PCDHA5: variants seen among roughly 807,000 people sequenced by gnomAD.
The protein encoded by PCDHA5 is protocadherin alpha-5.
Under a neutral mutation model 61.6 loss-of-function variants are expected in PCDHA5, and 43 were observed. The ratio of observed to expected loss-of-function variants is 0.70; its 90% CI spans 0.55 to 0.90. PCDHA5 has a LOEUF of 0.90. Among genes scored for constraint, PCDHA5 ranks in the 40% least tolerant of loss-of-function variants. PCDHA5 has a pLI of 0.00. For synonymous variants in PCDHA5, 627 were observed against 543.9 expected, an observed-to-expected ratio of 1.15 and a Z score of -2.13; for missense variants, 1,298 against 1,222.7, an observed-to-expected ratio of 1.06 and a Z score of -0.92.
intron 2 of PCDHA5, among the ~76,000 whole-genome samples, chr5:140,980,093 G>A (rs1223807762): frequency 2.0e-5 from 3 of 152,166 alleles, no homozygotes; most frequent in South Asian, 2.1e-4. Context: ...AGTTGGCTTG[G>A]TAAGATGTCA....
chr5:140,895,124 T>A (rs2064859568), intron 1 of PCDHA5, among the ~76,000 whole-genome samples: 1 of 152,196 alleles, frequency 6.6e-6, no homozygotes, highest in Non-Finnish European at 1.5e-5. Flanking sequence ...ATTTGTTAGT[T>A]GACAAGTTCA....
intron 3 of PCDHA5, among the ~76,000 whole-genome samples, chr5:140,998,401 CA>C (rs2097811473): frequency 6.6e-6 from 1 of 152,108 alleles, no homozygotes; most frequent in African/African-American, 2.4e-5. Context: ...ATCTTTATGC[CA>C]AAGTTTATCT....
chr5:140,823,781 T>A lies in PCDHA5; in HGVS notation c.2006T>A (p.Val669Glu), dbSNP rs2150129137. The A allele has an allele frequency of 1.2e-6, 2 of 1,613,800 alleles. No individual in the cohort carries two copies. Among genetic ancestry groups the A allele is most frequent in the Non-Finnish European group, 1.7e-6 (2 of 1,179,900 alleles). Residue 669 changes from valine (V) to glutamate (E), a missense_variant, in exon 1 of 4, where the codon GTG becomes GAG. Val to Glu is a moderately radical substitution (Grantham distance 121, BLOSUM62 -2). Transcript: ENST00000529859. ...TATATVLVSL[V>E]ESGQAPKASS... ...ACAGCCACAGTGCTGGTGTCGCTGG[T>A]GGAAAGTGGCCAGGCGCCGAAGGCC...
intron 1 of PCDHA5, among the ~76,000 whole-genome samples, chr5:140,881,606 T>A (rs1554172306): frequency 6.6e-6 from 1 of 152,226 alleles, no homozygotes; most frequent in East Asian, 1.9e-4. Context: ...TAATATGATG[T>A]GCTTATTCAA....
At chr5:140,878,352 A>T (rs2057558583) in intron 1 of PCDHA5, among the ~76,000 whole-genome samples, 1 of 152,242 alleles carries the variant, frequency 6.6e-6, no homozygotes, top group African/African-American at 2.4e-5. Flanking sequence ...CAATAATATA[A>T]ATGATATGTC....
chr5:140,868,571 A>G (rs1326549440), intron 1 of PCDHA5: 1 of 152,948 alleles, frequency 6.5e-6, no homozygotes, highest in Non-Finnish European at 1.5e-5. Context: ...GAGGAACAAC[A>G]CTTTCAGGAA....
intron 1 of PCDHA5, chr5:140,834,412 G>A (rs2150217251): frequency 3.1e-6 from 5 of 1,611,044 alleles, no homozygotes; most frequent in Non-Finnish European, 4.2e-6. Context: ...TACGACCCAG[G>A]GGGCCGACAT....
chr5:140,829,431 A>C, intron 1 of PCDHA5: 3 of 1,614,098 alleles, frequency 1.9e-6, no homozygotes, highest in Non-Finnish European at 2.5e-6. Context: ...GAGGTGGCCG[A>C]CATGAATGAC....
intron 1 of PCDHA5, among the ~76,000 whole-genome samples, chr5:140,901,764 G>A (rs1217710808): frequency 6.6e-6 from 1 of 152,120 alleles, no homozygotes; most frequent in Non-Finnish European, 1.5e-5. Context: ...GACAGGGATT[G>A]CATTGAATTT....
At chr5:140,955,552 C>T (rs1554221978) in intron 1 of PCDHA5, among the ~76,000 whole-genome samples, 2 of 152,092 alleles carry the variant, frequency 1.3e-5, no homozygotes, top group African/African-American at 4.8e-5. Flanking sequence ...TTGAGGCCTC[C>T]CCAGCCATAC....
At chr5:140,875,423 G>A in intron 1 of PCDHA5, 2 of 1,524,996 alleles carry the variant, frequency 1.3e-6, no homozygotes, top group Non-Finnish European at 1.8e-6. Flanking sequence ...CCTCAGGCAA[G>A]CGATCCCTTA....
At chr5:140,853,279 A>G (rs1197350918) in intron 1 of PCDHA5, 3 of 979,360 alleles carry the variant, frequency 3.1e-6, no homozygotes, top group Non-Finnish European at 3.7e-6. Flanking sequence ...CTCTCATCAT[A>G]TGCAAATTCT....
chr5:140,924,712 T>C (rs1481544117), intron 1 of PCDHA5, among the ~76,000 whole-genome samples: 1 of 151,870 alleles, frequency 6.6e-6, no homozygotes, highest in African/African-American at 2.4e-5. Context: ...TTGTGCAACA[T>C]GGCGAAACCT....
intron 1 of PCDHA5, chr5:140,864,284 T>C (rs573508000): frequency 1.3e-5 from 2 of 152,220 alleles, no homozygotes; most frequent in Non-Finnish European, 2.9e-5. Flanking sequence ...CCTTATTGTT[T>C]TTATGTATTC....
Position 140,994,560 on chromosome 5 carries a change from C to T in PCDHA5, c.2500+11997C>T, listed in dbSNP as rs140191916. Among the ~76,000 whole-genome samples, 970 of 152,032 alleles carry T rather than the reference C, an allele frequency of 6.4e-3. 14 individuals carry two copies. Among genetic ancestry groups the T allele is most frequent in the African/African-American group, 0.023 (943 of 41,474 alleles). On this transcript the variant is annotated intron_variant, in intron 3 of 3. Coordinates refer to ENST00000529859, the MANE Select transcript of PCDHA5 (RefSeq NM_018908.3). ...TCTACAAAAAAAATATAAAAATTAG[C>T]CGGGTGTGGTGGCATGCACTTGTAG...
intron 1 of PCDHA5, chr5:140,852,818 G>A: frequency 1.0e-6 from 1 of 971,786 alleles, no homozygotes; most frequent in Non-Finnish European, 1.2e-6. Flanking sequence ...CCCGCCCTAA[G>A]TCCTCCAGTC....
chr5:140,957,709 A>T (rs1321290139), intron 1 of PCDHA5, among the ~76,000 whole-genome samples: 6 of 152,264 alleles, frequency 3.9e-5, no homozygotes, highest in Admixed American at 3.3e-4. Context: ...TGTAGTTTTT[A>T]TTAAGAAAGA....
intron 1 of PCDHA5, among the ~76,000 whole-genome samples, chr5:140,903,933 A>G (rs1348730153): frequency 1.3e-5 from 2 of 152,220 alleles, no homozygotes; most frequent in East Asian, 1.9e-4. Context: ...ATTGGATAAT[A>G]CCTCTTAAAT....
Position 141,010,327 on chromosome 5 carries a change from G to T in PCDHA5, c.*390G>T, listed in dbSNP as rs2098416942. 5 of 1,539,742 alleles carry T rather than the reference G, an allele frequency of 3.2e-6. No individual in the cohort carries two copies. The highest frequency in any genetic ancestry group is 2.4e-5 in the South Asian group (2 of 82,532). On this transcript the variant is annotated 3_prime_UTR_variant, in exon 4 of 4. Transcript: ENST00000529859. ...AAAGTTTTGAGATTGAGCAGCTTGGGAGTTTGTGGCCACTGGGTATGTGTG... is the reference window on the plus strand; with the variant it reads ...AAAGTTTTGAGATTGAGCAGCTTGGTAGTTTGTGGCCACTGGGTATGTGTG...
Sources: gnomAD v4.1 joint callset for allele counts (sites outside exome capture counted in the v4.1 genomes callset) on GRCh38, gnomAD v4.1.1 for gene constraint, MANE v1.5 for transcripts, NCBI Gene and HGNC (gene_info 2026-07-23, HGNC 2026-07-21) for gene names.